Variants in ITCH observed in about 807,000 individuals in gnomAD.
ITCH encodes itchy E3 ubiquitin protein ligase, also known as E3 ubiquitin-protein ligase Itchy homolog.
ITCH carries 28 observed loss-of-function variants against 126.8 expected under a neutral mutation model. That is an observed-to-expected ratio of 0.22 (90% CI 0.16 to 0.30). ITCH has a LOEUF of 0.30. Ranked by LOEUF, ITCH falls within the 10% of genes least tolerant of loss-of-function variation. ITCH has a pLI of 1.00. For missense variants in ITCH, 631 were observed against 1,032.4 expected (o/e 0.61, Z 5.33); for synonymous variants, 342 against 340.0 (o/e 1.01, Z -0.06).
At chr20:34,402,189 TC>T in intron 3 of ITCH, 2 of 1,404,476 alleles carry the variant, frequency 1.4e-6, no homozygotes, top group Non-Finnish European at 2.0e-6. Flanking sequence ...TTCTGGAGGT[TC>T]CAGGGCAGCC....
intron 23 of ITCH, among the ~76,000 whole-genome samples, chr20:34,500,729 C>T (rs1391433946): frequency 6.6e-6 from 1 of 152,148 alleles, no homozygotes; most frequent in Non-Finnish European, 1.5e-5. Context: ...TTTCTGGTTG[C>T]TTTATATATC....
At position 34,475,974 on chromosome 20, in the gene ITCH, C is replaced by T; in HGVS notation, c.1570-1798C>T. ...GATTGTCTGGCATCAGCCACTGTTT[C>T]AGGCACTCGAACAGTCATATTGTCC... On this transcript the variant is annotated intron_variant, in intron 16 of 24. Coordinates refer to ENST00000374864, the MANE Select transcript of ITCH (RefSeq NM_031483.7). 8 of 1,600,642 alleles carry T rather than the reference C, an allele frequency of 5.0e-6. No individual in the cohort carries two copies. The South Asian group carries it at 7.7e-5, about 15-fold the overall frequency.
intron 16 of ITCH, chr20:34,476,203 T>C: frequency 1.2e-6 from 1 of 800,958 alleles, no homozygotes; most frequent in Non-Finnish European, 2.3e-6. Context: ...AACCACAACG[T>C]CTAGCAGAGA....
At chr20:34,369,819 C>T (rs920241369) in intron 2 of ITCH, among the ~76,000 whole-genome samples, 3 of 152,074 alleles carry the variant, frequency 2.0e-5, no homozygotes, top group African/African-American at 7.2e-5. Flanking sequence ...AAGAAGACAA[C>T]ATGGCCAGGT....
chr20:34,394,385 G>A (rs1310642306), intron 3 of ITCH, among the ~76,000 whole-genome samples: 1 of 151,912 alleles, frequency 6.6e-6, no homozygotes, highest in Non-Finnish European at 1.5e-5. Context: ...ATGGGTACCT[G>A]GGTAGTTGCT....
chr20:34,481,174 T>G lies in ITCH; in HGVS notation c.2061T>G (p.Leu687=). ...TGAAACCTAATGGTGGCAATATTCT[T>G]GTAACAGAAGAAAATAAAGAGGAAT... ...HDLKPNGGNI[L]VTEENKEEYI... Residue 687 remains leucine (L), a synonymous_variant, in exon 20 of 25, where the codon CTT becomes CTG. Coordinates refer to ENST00000374864, the MANE Select transcript of ITCH (RefSeq NM_031483.7). 1.2e-6 allele frequency: 2 copies of G among 1,613,566 alleles called. No individual in the cohort carries two copies. The highest frequency in any genetic ancestry group is 1.7e-6 in the Non-Finnish European group (2 of 1,179,692).
chr20:34,475,523 C>T (rs969988818), intron 16 of ITCH, among the ~76,000 whole-genome samples: 4 of 152,194 alleles, frequency 2.6e-5, no homozygotes, highest in East Asian at 1.9e-4. Context: ...GGCGTGGCGG[C>T]GCGTGCCTGC....
chr20:34,367,669 T>C (rs1171541135), intron 1 of ITCH, among the ~76,000 whole-genome samples: 2 of 152,210 alleles, frequency 1.3e-5, no homozygotes. Context: ...GTGCCAAATA[T>C]ATGCTATTCT....
At chr20:34,452,465 T>A (rs1241212348) in intron 12 of ITCH, among the ~76,000 whole-genome samples, 1 of 152,246 alleles carries the variant, frequency 6.6e-6, no homozygotes, top group African/African-American at 2.4e-5. Flanking sequence ...CTACTCAGAC[T>A]GAGCACTGCT....
Position 34,405,597 on chromosome 20 carries a change from T to C in ITCH, c.71-3054T>C, listed in dbSNP as rs372621897. ...CCTTGCGTTGCTCTTTGTTCTAGGTTTAATCAGTTTCAGAGTGCCACAAGA... is the reference window on the plus strand; with the variant it reads ...CCTTGCGTTGCTCTTTGTTCTAGGTCTAATCAGTTTCAGAGTGCCACAAGA... On this transcript the variant is annotated intron_variant, in intron 3 of 24. Transcript: ENST00000374864. Among the ~76,000 whole-genome samples the C allele has an allele frequency of 4.6e-5, 7 of 152,302 alleles. No homozygotes were observed. In the East Asian group the frequency reaches 1.3e-3, roughly 29 times the overall value.
intron 12 of ITCH, among the ~76,000 whole-genome samples, chr20:34,453,216 C>T (rs1256483490): frequency 6.6e-6 from 1 of 152,206 alleles, no homozygotes; most frequent in Non-Finnish European, 1.5e-5. Flanking sequence ...GCAGCATATA[C>T]TTAGAATATA....
intron 3 of ITCH, among the ~76,000 whole-genome samples, chr20:34,405,097 G>T (rs2039012170): frequency 7.2e-6 from 1 of 139,350 alleles, no homozygotes; most frequent in African/African-American, 2.7e-5. Context: ...ACCTGAGATT[G>T]TGCCACTATT....
chr20:34,471,933 T>C (rs879786900), intron 16 of ITCH, among the ~76,000 whole-genome samples: 24 of 152,206 alleles, frequency 1.6e-4, no homozygotes, highest in African/African-American at 5.8e-4. Flanking sequence ...AGACTTGTTT[T>C]AACACTTCAG....
At chr20:34,440,120 A>G (rs755498340) in intron 8 of ITCH, 35 bp from the exon 9 acceptor site, 4 of 1,463,890 alleles carry the variant, frequency 2.7e-6, no homozygotes, top group Non-Finnish European at 3.8e-6. Flanking sequence ...AGAAAATGAA[A>G]GATTCTTTTC....
At chr20:34,387,808 G>A (rs2038342741) in intron 2 of ITCH, among the ~76,000 whole-genome samples, 3 of 151,890 alleles carry the variant, frequency 2.0e-5, no homozygotes, top group South Asian at 2.1e-4. Context: ...GGGTTCAAGC[G>A]GTTCTCTTGC....
At chr20:34,403,941 T>C (rs1017851922) in intron 3 of ITCH, among the ~76,000 whole-genome samples, 4 of 152,170 alleles carry the variant, frequency 2.6e-5, no homozygotes, top group African/African-American at 9.7e-5. Context: ...AGTAGGAGGC[T>C]GGAAGGGTAA....
chr20:34,383,530 C>G (rs913448684), intron 2 of ITCH, among the ~76,000 whole-genome samples: 12 of 151,752 alleles, frequency 7.9e-5, no homozygotes, highest in Non-Finnish European at 1.5e-5. Context: ...CCACGCCCAG[C>G]TAATTTTGTA....
chr20:34,403,009 AT>A (rs1271726755), intron 3 of ITCH, among the ~76,000 whole-genome samples: 1 of 151,936 alleles, frequency 6.6e-6, no homozygotes, highest in African/African-American at 2.4e-5. Context: ...CCTTATACTT[AT>A]GTTTTTTTTT....
At chr20:34,397,646 A>G (rs1231320681) in intron 3 of ITCH, among the ~76,000 whole-genome samples, 2 of 152,270 alleles carry the variant, frequency 1.3e-5, no homozygotes, top group African/African-American at 2.4e-5. Flanking sequence ...GATTTCCTTC[A>G]CTAACTCTGG....
Sources: gnomAD v4.1 joint callset for allele counts (sites outside exome capture counted in the v4.1 genomes callset) on GRCh38, gnomAD v4.1.1 for gene constraint, MANE v1.5 for transcripts, NCBI Gene and HGNC (gene_info 2026-07-23, HGNC 2026-07-21) for gene names.